ZBTB21: variants seen among roughly 807,000 people sequenced by gnomAD.
The protein encoded by ZBTB21 is zinc finger and BTB domain containing 21.
A neutral mutation model predicts 39.8 loss-of-function variants in ZBTB21; 10 were observed. The observed-to-expected ratio is 0.25, with a 90% confidence interval of 0.16 to 0.43. ZBTB21 has a LOEUF of 0.43. Ranked by LOEUF, ZBTB21 falls within the 20% of genes least tolerant of loss-of-function variation. The probability of loss-of-function intolerance (pLI) is 1.00; values close to 1 mark genes in which losing one functional copy is unlikely to be tolerated. For missense variants in ZBTB21, 1,221 were observed against 1,296.3 expected (o/e 0.94, Z 0.89); for synonymous variants, 551 against 498.8 (o/e 1.10, Z -1.40).
Position 41,992,313 on chromosome 21 carries a change from G to T in ZBTB21, c.1783C>A (p.Gln595Lys). 1 of 1,614,202 alleles carries T rather than the reference G, an allele frequency of 6.2e-7. No individual in the cohort carries two copies. The highest frequency in any genetic ancestry group is 1.1e-5 in the South Asian group (1 of 91,068). ...HTNFKVWTHC[Q>K]TQHGIVKNPS... Reference sequence around the variant, plus strand: ...TTCTTCACTATGCCGTGTTGGGTCTGACAGTGTGTCCACACTTTGAAGTTG... The same window carrying T: ...TTCTTCACTATGCCGTGTTGGGTCTTACAGTGTGTCCACACTTTGAAGTTG... Residue 595 changes from glutamine to lysine, a missense_variant, in exon 3 of 3, where the codon CAG becomes AAG. Physicochemically the swap from Gln to Lys is moderately conservative, Grantham distance 53 (BLOSUM62 1). Transcript: ENST00000310826. This position sits in a 1 kb window ranked among gnomAD's most constrained non-coding sequence, Gnocchi z 4.1.
intron 2 of ZBTB21, among the ~76,000 whole-genome samples, chr21:41,997,048 T>C (rs1330235273): frequency 6.6e-6 from 1 of 152,180 alleles, no homozygotes. Flanking sequence ...ATGTCTTTAT[T>C]AGCATTGTGA....
chr21:42,008,865 G>A (rs960885707), intron 1 of ZBTB21, among the ~76,000 whole-genome samples: 1 of 152,164 alleles, frequency 6.6e-6, no homozygotes, highest in African/African-American at 2.4e-5. Flanking sequence ...ATTTAGGGGT[G>A]CTTAAATTTA....
rs1376779785 is a variant in ZBTB21, at chr21:41,989,477, A to G, written c.*1418T>C. On this transcript the variant is annotated 3_prime_UTR_variant, in exon 3 of 3. Coordinates refer to ENST00000310826, the MANE Select transcript of ZBTB21 (RefSeq NM_001098402.2). ...AAATTGGTATTACTTTCTTAAAAGGATTTTGTAGTTTCGTTTTTTTAATAC... is the reference window on the plus strand; with the variant it reads ...AAATTGGTATTACTTTCTTAAAAGGGTTTTGTAGTTTCGTTTTTTTAATAC... 1 of 152,078 alleles carries G rather than the reference A, an allele frequency of 6.6e-6. No individual in the cohort carries two copies. Among genetic ancestry groups the G allele is most frequent in the Non-Finnish European group, 1.5e-5 (1 of 67,976 alleles). 9.4% of individuals were successfully genotyped at this position (152,078 alleles called of 1,614,324 possible). A position where few individuals can be genotyped will look rare whatever the true frequency, so the allele number is the denominator to read the frequency against.
chr21:41,990,878 TAAAA>T lies in ZBTB21; in HGVS notation c.*13_*16del. The T allele has an allele frequency of 7.0e-7, 1 of 1,437,350 alleles. No homozygotes were observed. Among genetic ancestry groups the T allele is most frequent in the South Asian group, 1.8e-5 (1 of 55,724 alleles). 89.0% of individuals were successfully genotyped at this position (1,437,350 alleles called of 1,614,324 possible). On this transcript the variant is annotated 3_prime_UTR_variant, in exon 3 of 3. Coordinates refer to ENST00000310826, the MANE Select transcript of ZBTB21 (RefSeq NM_001098402.2). ...AAATCTGGGGACTGCCTCCCATAGG[TAAAA>T]AGTGTTGGTCTTTCAATTGTGTGTT... is the stretch of plus-strand genomic sequence containing the variant.
Position 41,992,638 on chromosome 21 carries a change from G to T in ZBTB21, c.1458C>A (p.Phe486Leu). The stretch of plus-strand genomic sequence containing the variant: ...TAAACGGCAATCTTCGGTCCGCTTG[G>T]AACCTCCTTTTTGCTGGGAGTCTGC... ...DMSRLPAKRR[F>L]QADRRLPFKK... The change falls in exon 3 of 3, where the codon TTC (phenylalanine) becomes TTA (leucine). Residue 486 changes from phenylalanine to leucine, a missense_variant. Coordinates refer to ENST00000310826, the MANE Select transcript of ZBTB21 (RefSeq NM_001098402.2). This position sits in a 1 kb window ranked among gnomAD's most constrained non-coding sequence, Gnocchi z 4.1. 2 of 1,614,072 alleles carry T rather than the reference G, an allele frequency of 1.2e-6. No individual in the cohort carries two copies. Among genetic ancestry groups the T allele is most frequent in the Non-Finnish European group, 1.7e-6 (2 of 1,179,992 alleles).
Position 41,990,259 on chromosome 21 carries a change from AG to A in ZBTB21, c.*635del, listed in dbSNP as rs1275392112. 6.6e-6 allele frequency: 1 copy of A among 152,618 alleles called. No individual in the cohort carries two copies. The highest frequency in any genetic ancestry group is 1.5e-5 in the Non-Finnish European group (1 of 68,034). The allele number at this position is 152,618 out of a possible 1,614,324, so 9.5% of individuals were successfully genotyped here. On this transcript the variant is annotated 3_prime_UTR_variant, in exon 3 of 3. Coordinates refer to ENST00000310826, the MANE Select transcript of ZBTB21 (RefSeq NM_001098402.2). The stretch of plus-strand genomic sequence containing the variant: ...TCATTTATTATATTGACTGAGAGCA[AG>A]TTTTTGTTAGTTTATAAAAATCTAA...
Position 41,992,556 on chromosome 21 carries a change from C to T in ZBTB21, c.1540G>A (p.Gly514Ser), listed in dbSNP as rs958958319. Residue 514 changes from glycine (G) to serine (S), a missense_variant, in exon 3 of 3, where the codon GGC (glycine) becomes AGC (serine). By Grantham distance (56) the Gly-to-Ser change is moderately conservative (BLOSUM62 0). Around this residue, in one of 4 missense-constraint regions of ZBTB21, gnomAD observed 500 missense variants for 465.6 expected, o/e 1.07. Transcript: ENST00000310826. This position sits in a 1 kb window ranked among gnomAD's most constrained non-coding sequence, Gnocchi z 4.1. ...GCATCAAGGAGAGTAGGGCTTGAGC[C>T]TTCCTCAAAATTATCTTCTGACACA... ...SPVSEDNFEE[G>S]SSPTLLDADF... 1.2e-5 allele frequency: 19 copies of T among 1,614,194 alleles called. No homozygotes were observed. The highest frequency in any genetic ancestry group is 1.5e-5 in the Non-Finnish European group (18 of 1,180,038).
chr21:42,000,477 C>T (rs2065804475), intron 2 of ZBTB21, among the ~76,000 whole-genome samples: 1 of 152,212 alleles, frequency 6.6e-6, no homozygotes, highest in Non-Finnish European at 1.5e-5. Context: ...AACCTCCCTT[C>T]CAAGGGCTTG....
At position 41,998,652 on chromosome 21, in the gene ZBTB21, C is replaced by G. The variant is rs149963089; in HGVS notation, c.-14+4245G>C. The stretch of plus-strand genomic sequence containing the variant: ...CTTGACCCCAGCTCATTTGTAGGTT[C>G]TCTTCTGGCCTTTGCTGGTTACCCC... On this transcript the variant is annotated intron_variant, in intron 2 of 2. Coordinates refer to ENST00000310826, the MANE Select transcript of ZBTB21 (RefSeq NM_001098402.2). Among the ~76,000 whole-genome samples, 382 of 152,310 alleles carry G rather than the reference C, an allele frequency of 2.5e-3. 4 individuals are homozygous for G. The highest frequency in any genetic ancestry group is 8.8e-3 in the African/African-American group (366 of 41,562).
At position 41,994,068 on chromosome 21, in the gene ZBTB21, G is replaced by A; in HGVS notation, c.28C>T (p.Pro10Ser). The A allele has an allele frequency of 6.2e-7, 1 of 1,602,084 alleles. No individual in the cohort carries two copies. Among genetic ancestry groups the A allele is most frequent in the Non-Finnish European group, 8.5e-7 (1 of 1,174,630 alleles). Residue 10 changes from proline (P) to serine (S), a missense_variant, in exon 3 of 3, where the codon CCT becomes TCT. Pro to Ser is a moderately conservative substitution (Grantham distance 74). Around this residue, in one of 4 missense-constraint regions of ZBTB21, gnomAD observed 108 missense variants for 155.0 expected, o/e 0.70. Transcript: ENST00000310826. MEGLLHYINPAHAISLLSAL... is the reference protein window; with the variant it reads MEGLLHYINSAHAISLLSAL... ...CTTAGGAGAGAAATGGCGTGTGCAG[G>A]GTTGATGTAATGCAGTAATCCCTCC...
intron 1 of ZBTB21, among the ~76,000 whole-genome samples, chr21:42,008,750 G>T (rs954027700): frequency 1.3e-5 from 2 of 152,094 alleles, no homozygotes; most frequent in Non-Finnish European, 2.9e-5. Context: ...TCAACAGAAT[G>T]AAGCACATTA....
At chr21:42,004,226 C>T (rs1331359835) in intron 1 of ZBTB21, among the ~76,000 whole-genome samples, 1 of 152,120 alleles carries the variant, frequency 6.6e-6, no homozygotes, top group Non-Finnish European at 1.5e-5. Flanking sequence ...TCTCGAACTC[C>T]TGACCTCAGG....
In ZBTB21 at chr21:41,992,963, C is replaced by T. The variant is rs186427345; in HGVS notation, c.1133G>A (p.Cys378Tyr). 8 of 1,614,192 alleles carry T rather than the reference C, an allele frequency of 5.0e-6. No homozygotes were observed. In the Admixed American group the frequency reaches 1.0e-4, roughly 20 times the overall value. The change falls in exon 3 of 3, where the codon TGT becomes TAT. Residue 378 changes from cysteine (C) to tyrosine (Y), a missense_variant. Cys to Tyr is a radical substitution (Grantham distance 194). Around this residue, in one of 4 missense-constraint regions of ZBTB21, gnomAD observed 500 missense variants for 465.6 expected, o/e 1.07. Transcript: ENST00000310826. This position sits in a 1 kb window ranked among gnomAD's most constrained non-coding sequence, Gnocchi z 4.1. ...VSSDAPGNVLCALSQKSSLKD... is the reference protein window; with the variant it reads ...VSSDAPGNVLYALSQKSSLKD... ...TAAAGATGACTTCTGAGATAAAGCA[C>T]ACAACACATTCCCTGGTGCATCACT...
intron 1 of ZBTB21, among the ~76,000 whole-genome samples, chr21:42,007,319 C>A (rs2065890260): frequency 6.6e-6 from 1 of 152,214 alleles, no homozygotes. Context: ...AAGCGTATTA[C>A]ATCACTGCCC....
rs1230104414 is a variant in ZBTB21, at chr21:41,991,537, T to G, written c.2559A>C (p.Gln853His). 1.2e-6 allele frequency: 2 copies of G among 1,614,092 alleles called. No individual in the cohort carries two copies. The highest frequency in any genetic ancestry group is 1.7e-6 in the Non-Finnish European group (2 of 1,180,054). The stretch of plus-strand genomic sequence containing the variant: ...AGGAATCTTCCGAGTCGAAGTTAAC[T>G]TGTTCTGAAGAATCACTGAACACGT... Reference protein sequence around the residue: ...DDNVFSDSSEQVNFDSEDSSC... With the variant: ...DDNVFSDSSEHVNFDSEDSSC... Residue 853 changes from glutamine to histidine, a missense_variant, in exon 3 of 3, where the codon CAA (glutamine) becomes CAC (histidine). By Grantham distance (24) the Gln-to-His change is conservative (BLOSUM62 0). Coordinates refer to ENST00000310826, the MANE Select transcript of ZBTB21 (RefSeq NM_001098402.2). This position sits in a 1 kb window ranked among gnomAD's most constrained non-coding sequence, Gnocchi z 4.9.
chr21:42,001,842 C>G (rs550674041), intron 2 of ZBTB21, among the ~76,000 whole-genome samples: 1 of 152,130 alleles, frequency 6.6e-6, no homozygotes, highest in Non-Finnish European at 1.5e-5. Context: ...AACCGAGGCA[C>G]AGAGGGTTAA....
At chr21:41,997,009 TTTTC>T (rs745860950) in intron 2 of ZBTB21, among the ~76,000 whole-genome samples, 5 of 152,160 alleles carry the variant, frequency 3.3e-5, no homozygotes, top group Non-Finnish European at 1.5e-5. Context: ...CTGAACCTCT[TTTTC>T]TTTGTTAGTT....
intron 2 of ZBTB21, among the ~76,000 whole-genome samples, chr21:42,000,486 T>G (rs957036121): frequency 6.6e-5 from 10 of 152,220 alleles, no homozygotes; most frequent in African/African-American, 2.2e-4. Context: ...TCCAAGGGCT[T>G]GTCCTGGCCC....
chr21:42,001,942 C>T (rs996751551), intron 2 of ZBTB21, among the ~76,000 whole-genome samples: 10 of 152,294 alleles, frequency 6.6e-5, no homozygotes, highest in African/African-American at 2.4e-4. Flanking sequence ...ACTACAGAGA[C>T]AAGACAGAGC....
Sources: gnomAD v4.1 joint callset for allele counts (sites outside exome capture counted in the v4.1 genomes callset) on GRCh38, gnomAD v4.1.1 for gene constraint, gnomAD v4.1.1 regional missense constraint, Gnocchi (gnomAD v3.1) non-coding constraint, MANE v1.5 for transcripts, NCBI Gene and HGNC (gene_info 2026-07-23, HGNC 2026-07-21) for gene names.